The following RIMS1 variants were observed in gnomAD, a reference collection of about 807,000 sequenced individuals.
The protein encoded by RIMS1 is regulating synaptic membrane exocytosis 1.
RIMS1 carries 83 observed loss-of-function variants against 214.1 expected under a neutral mutation model. The observed-to-expected ratio is 0.39, with a 90% confidence interval of 0.32 to 0.47. The LOEUF (loss-of-function observed/expected upper bound fraction) is 0.47, where lower values mean the gene tolerates loss of function less well. Among genes scored for constraint, RIMS1 ranks in the 20% least tolerant of loss-of-function variants. The pLI is 0.99. For synonymous variants in RIMS1, 793 were observed against 786.8 expected, an observed-to-expected ratio of 1.01 and a Z score of -0.13; for missense variants, 2,050 against 2,161.8, an observed-to-expected ratio of 0.95 and a Z score of 1.03.
chr6:71,912,220 G>A (rs910608549), intron 1 of RIMS1, among the ~76,000 whole-genome samples: 7 of 152,088 alleles, frequency 4.6e-5, no homozygotes, highest in African/African-American at 7.2e-5. Flanking sequence ...GGAAATACAC[G>A]TTTCAAAGAG....
At chr6:72,259,917 C>T (rs918547593) in intron 18 of RIMS1, among the ~76,000 whole-genome samples, 8 of 152,106 alleles carry the variant, frequency 5.3e-5, no homozygotes, top group African/African-American at 1.4e-4. Context: ...AATAATTTTT[C>T]GCCATGGAGT....
At chr6:72,334,798 C>T (rs2096783983) in intron 29 of RIMS1, among the ~76,000 whole-genome samples, 1 of 151,770 alleles carries the variant, frequency 6.6e-6, no homozygotes, top group Non-Finnish European at 1.5e-5. Flanking sequence ...GATATATTGG[C>T]AAATAAATTA....
At chr6:71,906,351 A>G (rs906391925) in intron 1 of RIMS1, among the ~76,000 whole-genome samples, 2 of 152,162 alleles carry the variant, frequency 1.3e-5, no homozygotes, top group African/African-American at 4.8e-5. Flanking sequence ...AACAAATAAC[A>G]TTACACCAAC....
At chr6:71,893,429 G>GAGA (rs1770601582) in intron 1 of RIMS1, among the ~76,000 whole-genome samples, 1 of 152,006 alleles carries the variant, frequency 6.6e-6, no homozygotes, top group African/African-American at 2.4e-5. Flanking sequence ...ATTCAAAAAT[G>GAGA]AGAAGAGAAA....
intron 24 of RIMS1, among the ~76,000 whole-genome samples, chr6:72,287,575 A>G (rs1056469526): frequency 6.6e-6 from 1 of 152,022 alleles, no homozygotes; most frequent in African/African-American, 2.4e-5. Flanking sequence ...ATAAGTTTGA[A>G]TTAAACTTTT....
chr6:72,023,784 A>T (rs1585104241), intron 2 of RIMS1, among the ~76,000 whole-genome samples: 1 of 151,990 alleles, frequency 6.6e-6, no homozygotes, highest in Non-Finnish European at 1.5e-5. Flanking sequence ...ATTTATAGAG[A>T]TATTTACTTC....
chr6:71,909,171 A>AT (rs1582352769), intron 1 of RIMS1, among the ~76,000 whole-genome samples: 1 of 151,898 alleles, frequency 6.6e-6, no homozygotes, highest in East Asian at 1.9e-4. Flanking sequence ...CTTTTCTTGT[A>AT]TTTTTAGTAG....
In RIMS1 at chr6:72,251,043, T is replaced by C. The variant is rs1475495592; in HGVS notation, c.2495T>C (p.Val832Ala). The C allele has an allele frequency of 6.3e-7, 1 of 1,584,368 alleles. No individual in the cohort carries two copies. The highest frequency in any genetic ancestry group is 8.6e-7 in the Non-Finnish European group (1 of 1,164,094). ...AGAGAACGAATGTTAGAAATAACTG[T>C]GTGGGACCAACCAAGAGTGCAAGAA... ...DFRERMLEIT[V>A]WDQPRVQEEE... Residue 832 changes from valine to alanine, a missense_variant, in exon 14 of 34, where the codon GTG (valine) becomes GCG (alanine). Val to Ala is a moderately conservative substitution (Grantham distance 64). Transcript: ENST00000521978.
Position 72,131,345 on chromosome 6 carries a change from C to T in RIMS1, c.471+31359C>T, listed in dbSNP as rs181505128. 1.5e-3 allele frequency among the ~76,000 whole-genome samples: 224 copies of T among 152,200 alleles called. 1 individual carries two copies. The highest frequency in any genetic ancestry group is 5.0e-3 in the African/African-American group (207 of 41,532). Reference sequence around the variant, plus strand: ...AAGTTAATATCAGGGAAACCTGCCCCGATAGTCACGTAGGTTCTTTTCTGT... The same window carrying T: ...AAGTTAATATCAGGGAAACCTGCCCTGATAGTCACGTAGGTTCTTTTCTGT... On this transcript the variant is annotated intron_variant, in intron 4 of 33. Coordinates refer to ENST00000521978, the MANE Select transcript of RIMS1 (RefSeq NM_014989.7).
chr6:72,231,019 T>C (rs2061766744), intron 6 of RIMS1, among the ~76,000 whole-genome samples: 1 of 151,664 alleles, frequency 6.6e-6, no homozygotes. Context: ...GAATTTATCA[T>C]TTTGCAGCTA....
chr6:72,099,411 TG>T (rs2153807429), intron 3 of RIMS1, among the ~76,000 whole-genome samples: 2 of 152,308 alleles, frequency 1.3e-5, no homozygotes, highest in South Asian at 4.1e-4. Flanking sequence ...TGTATAAAGT[TG>T]TTTTTTTCTA....
intron 7 of RIMS1, among the ~76,000 whole-genome samples, chr6:72,234,126 T>C (rs2063131812): frequency 6.6e-6 from 1 of 152,020 alleles, no homozygotes; most frequent in African/African-American, 2.4e-5. Context: ...TTTTTTTATG[T>C]AAGCAGATAT....
rs9446576 is a variant in RIMS1, at chr6:72,135,541, G to A, written c.471+35555G>A. Among the ~76,000 whole-genome samples the A allele has an allele frequency of 5.5e-3, 843 of 152,224 alleles. 5 individuals are homozygous for A. Among genetic ancestry groups the A allele is most frequent in the Middle Eastern group, 0.02 (6 of 294 alleles). Reference sequence around the variant, plus strand: ...CTTATTTGAGGAAGATGCTTAGAATGGGCATCGGTGTCTGAGAATGAATGT... The same window carrying A: ...CTTATTTGAGGAAGATGCTTAGAATAGGCATCGGTGTCTGAGAATGAATGT... On this transcript the variant is annotated intron_variant, in intron 4 of 33. Transcript: ENST00000521978.
chr6:71,947,970 C>T (rs1474875703), intron 1 of RIMS1, among the ~76,000 whole-genome samples: 1 of 151,976 alleles, frequency 6.6e-6, no homozygotes, highest in East Asian at 1.9e-4. Context: ...TTAACAAGTA[C>T]CTAGCACACT....
At chr6:72,106,252 G>T (rs2034716102) in intron 4 of RIMS1, among the ~76,000 whole-genome samples, 1 of 152,046 alleles carries the variant, frequency 6.6e-6, no homozygotes, top group Admixed American at 6.6e-5. Flanking sequence ...TTTAATTTAT[G>T]AACATCTTTG....
At chr6:71,925,868 G>T (rs1781428216) in intron 1 of RIMS1, among the ~76,000 whole-genome samples, 1 of 152,134 alleles carries the variant, frequency 6.6e-6, no homozygotes, top group South Asian at 2.1e-4. Flanking sequence ...TATTTTACAG[G>T]TATTATCCCT....
chr6:72,326,624 C>T (rs995484037), intron 28 of RIMS1, among the ~76,000 whole-genome samples: 2 of 151,674 alleles, frequency 1.3e-5, no homozygotes, highest in Non-Finnish European at 2.9e-5. Flanking sequence ...GGCATGTCAT[C>T]GTTTAATTAG....
chr6:72,234,056 A>G, intron 7 of RIMS1, among the ~76,000 whole-genome samples: 1 of 152,124 alleles, frequency 6.6e-6, no homozygotes, highest in South Asian at 2.1e-4. Context: ...AATTACTATA[A>G]GTAAGATTGA....
intron 1 of RIMS1, among the ~76,000 whole-genome samples, chr6:71,932,944 C>T (rs888086665): frequency 6.6e-6 from 1 of 152,112 alleles, no homozygotes; most frequent in Non-Finnish European, 1.5e-5. Flanking sequence ...ATACATTTTA[C>T]TGAGCACATA....
Sources: allele counts gnomAD v4.1 joint callset (sites outside exome capture counted in the v4.1 genomes callset), GRCh38; gene constraint gnomAD v4.1.1; transcripts MANE v1.5; gene names NCBI Gene and HGNC (gene_info 2026-07-23, HGNC 2026-07-21).